The following NEK10 variants were observed in gnomAD, a reference collection of about 807,000 sequenced individuals.
The protein encoded by NEK10 is serine/threonine-protein kinase Nek10.
A neutral mutation model predicts 159.8 loss-of-function variants in NEK10; 122 were observed. The observed-to-expected ratio is 0.76, with a 90% CI of 0.66 to 0.89. The LOEUF (loss-of-function observed/expected upper bound fraction) is 0.89, where lower values mean the gene tolerates loss of function less well. NEK10 is among the 40% of genes least tolerant of loss of function. The probability of loss-of-function intolerance (pLI) is 0.00; values close to 1 mark genes in which losing one functional copy is unlikely to be tolerated. For missense variants in NEK10, 1,342 were observed against 1,323.1 expected (o/e 1.01, Z -0.22); for synonymous variants, 466 against 457.1 (o/e 1.02, Z -0.25).
chr3:27,293,026 G>A (rs796549951), intron 16 of NEK10, among the ~76,000 whole-genome samples: 40 of 152,234 alleles, frequency 2.6e-4, no homozygotes, highest in African/African-American at 8.9e-4. Flanking sequence ...ACTAAATGGT[G>A]TGCAGAACAC....
intron 31 of NEK10, 29 bp from the exon 32 acceptor site, chr3:27,132,019 A>G: frequency 7.4e-7 from 1 of 1,350,538 alleles, no homozygotes; most frequent in South Asian, 1.2e-5. Flanking sequence ...CAATCATTAT[A>G]AACAAATTGT....
At chr3:27,236,029 A>G (rs1015679259) in intron 23 of NEK10, among the ~76,000 whole-genome samples, 1 of 151,360 alleles carries the variant, frequency 6.6e-6, no homozygotes, top group African/African-American at 2.4e-5. Flanking sequence ...GGCCATTATC[A>G]TTAGCAAACT....
intron 22 of NEK10, among the ~76,000 whole-genome samples, chr3:27,257,348 C>T (rs1446447074): frequency 2.0e-5 from 3 of 152,174 alleles, no homozygotes; most frequent in African/African-American, 7.2e-5. Flanking sequence ...AATGCAGAAC[C>T]AGTGCAAGAA....
intron 25 of NEK10, among the ~76,000 whole-genome samples, chr3:27,198,888 C>T (rs937042840): frequency 6.6e-6 from 1 of 151,480 alleles, no homozygotes; most frequent in Non-Finnish European, 1.5e-5. Flanking sequence ...TGGCTAACAC[C>T]GTGAAACCCG....
chr3:27,338,256 A>G (rs1279840180), intron 5 of NEK10, among the ~76,000 whole-genome samples: 2 of 152,214 alleles, frequency 1.3e-5, no homozygotes, highest in Non-Finnish European at 2.9e-5. Context: ...GTCCCTGCAA[A>G]GGACATGAAC....
intron 23 of NEK10, among the ~76,000 whole-genome samples, chr3:27,244,865 G>C (rs1444110747): frequency 6.6e-6 from 1 of 151,936 alleles, no homozygotes; most frequent in Non-Finnish European, 1.5e-5. Context: ...CTGCACTTCA[G>C]AGGGTTGCTC....
intron 23 of NEK10, among the ~76,000 whole-genome samples, chr3:27,244,182 C>A (rs1954836165): frequency 6.6e-6 from 1 of 152,196 alleles, no homozygotes; most frequent in Non-Finnish European, 1.5e-5. Flanking sequence ...ATACGCTGAG[C>A]CTATTCAGAA....
chr3:27,119,256 C>T (rs950084244), intron 33 of NEK10, among the ~76,000 whole-genome samples: 2 of 152,140 alleles, frequency 1.3e-5, no homozygotes, highest in African/African-American at 4.8e-5. Flanking sequence ...AATGGTTTAG[C>T]CAAGATTTGA....
chr3:27,357,439 T>A (rs2048394783), intron 1 of NEK10, among the ~76,000 whole-genome samples: 1 of 152,166 alleles, frequency 6.6e-6, no homozygotes, highest in Non-Finnish European at 1.5e-5. Flanking sequence ...CAGGAATTAT[T>A]CAGTCATTGG....
chr3:27,188,613 AT>A (rs1263859014), intron 26 of NEK10, among the ~76,000 whole-genome samples: 3 of 152,178 alleles, frequency 2.0e-5, no homozygotes, highest in Admixed American at 2.0e-4. Context: ...AGTAGTTGTG[AT>A]TCCTGCAAGT....
chr3:27,303,480 A>G (rs912676254), intron 12 of NEK10, among the ~76,000 whole-genome samples: 18 of 152,152 alleles, frequency 1.2e-4, no homozygotes, highest in Middle Eastern at 3.2e-3. Flanking sequence ...CTACAAACCT[A>G]AATAAAAAAC....
At chr3:27,164,646 G>T (rs1161611135) in intron 29 of NEK10, among the ~76,000 whole-genome samples, 1 of 152,142 alleles carries the variant, frequency 6.6e-6, no homozygotes, top group East Asian at 1.9e-4. Context: ...GTGCCCAGTG[G>T]CCTCCATACT....
At chr3:27,330,731 G>A (rs1388786) in intron 5 of NEK10, among the ~76,000 whole-genome samples, 98,924 of 151,952 alleles carry the variant, frequency 0.65, 34,624 homozygotes, top group East Asian at 0.88. Context: ...AGGTGGAGAC[G>A]GAGTGCTTCA....
chr3:27,289,999 G>A (rs907547937), intron 19 of NEK10, among the ~76,000 whole-genome samples: 4 of 152,164 alleles, frequency 2.6e-5, no homozygotes, highest in African/African-American at 7.2e-5. Context: ...AACAGTATTC[G>A]TGATGAATGT....
At chr3:27,119,028 A>G (rs1940906475) in intron 33 of NEK10, among the ~76,000 whole-genome samples, 1 of 152,214 alleles carries the variant, frequency 6.6e-6, no homozygotes, top group Non-Finnish European at 1.5e-5. Context: ...AAAATTATTT[A>G]GGAGTACTGA....
intron 22 of NEK10, among the ~76,000 whole-genome samples, chr3:27,280,130 G>A (rs1199537507): frequency 6.6e-6 from 1 of 151,078 alleles, no homozygotes; most frequent in Non-Finnish European, 1.5e-5. Flanking sequence ...GCTGGGAGAG[G>A]GGATATTCTT....
chr3:27,180,428 G>A (rs1461182383), intron 26 of NEK10, among the ~76,000 whole-genome samples: 1 of 144,236 alleles, frequency 6.9e-6, no homozygotes, highest in Non-Finnish European at 1.5e-5. Context: ...AAGGGGAGGG[G>A]AGGGGAGGGG....
intron 13 of NEK10, among the ~76,000 whole-genome samples, chr3:27,300,301 G>T (rs1299230883): frequency 1.3e-5 from 2 of 152,014 alleles, no homozygotes; most frequent in African/African-American, 4.8e-5. Flanking sequence ...AAAGTGCATG[G>T]AGTTTCCCTG....
At chr3:27,250,926 A>G (rs1441271033) in intron 23 of NEK10, among the ~76,000 whole-genome samples, 4 of 152,188 alleles carry the variant, frequency 2.6e-5, no homozygotes, top group African/African-American at 9.7e-5. Context: ...CTAGTGTTCT[A>G]TAACCTCCTA....
Sources: allele counts gnomAD v4.1 joint callset (sites outside exome capture counted in the v4.1 genomes callset), GRCh38; gene constraint gnomAD v4.1.1; transcripts MANE v1.5; gene names NCBI Gene and HGNC (gene_info 2026-07-23, HGNC 2026-07-21).